Variants in FAM167A observed in about 807,000 individuals in gnomAD.
FAM167A encodes family with sequence similarity 167 member A, also known as protein FAM167A.
In FAM167A, 23 loss-of-function variants were observed where a neutral mutation model predicts 14.9. The ratio of observed to expected loss-of-function variants is 1.55; its 90% CI spans 1.11 to 2.19. FAM167A has a LOEUF of 2.19. Among genes scored for constraint, FAM167A ranks in the 30% most tolerant of loss-of-function variants. FAM167A has a pLI of 0.00. For missense variants in FAM167A, 401 were observed against 281.5 expected (o/e 1.42, Z -3.04); for synonymous variants, 174 against 117.7 (o/e 1.48, Z -3.10).
chr8:11,441,857 A>G (rs1806459309), intron 2 of FAM167A, among the ~76,000 whole-genome samples: 1 of 151,998 alleles, frequency 6.6e-6, no homozygotes, highest in Non-Finnish European at 1.5e-5. Flanking sequence ...GCCTGCTGAC[A>G]TTTTTGTGAT....
At chr8:11,471,121 G>A (rs555737408), upstream of FAM167A, among the ~76,000 whole-genome samples, 1 of 152,330 alleles carries the variant, frequency 6.6e-6, no homozygotes, top group South Asian at 2.1e-4. Flanking sequence ...GGAGTAGGGA[G>A]GTGACAGATT....
chr8:11,426,527 T>C (rs1805170954), intron 2 of FAM167A, among the ~76,000 whole-genome samples: 1 of 152,224 alleles, frequency 6.6e-6, no homozygotes, highest in African/African-American at 2.4e-5. Context: ...AAACCAAAAG[T>C]GTCTGAGACA....
chr8:11,433,165 T>C (rs895922208), intron 2 of FAM167A, among the ~76,000 whole-genome samples: 1 of 151,832 alleles, frequency 6.6e-6, no homozygotes, highest in African/African-American at 2.4e-5. Flanking sequence ...GTAACAAATC[T>C]GCACATTCTG....
chr8:11,436,824 C>T (rs758532520), intron 2 of FAM167A, among the ~76,000 whole-genome samples: 2 of 152,180 alleles, frequency 1.3e-5, no homozygotes, highest in Non-Finnish European at 2.9e-5. Flanking sequence ...AGCTTCACAT[C>T]TGATGCTGAG....
upstream of FAM167A, among the ~76,000 whole-genome samples, chr8:11,467,093 G>A (rs1807803643): frequency 6.6e-6 from 1 of 152,228 alleles, no homozygotes; most frequent in Non-Finnish European, 1.5e-5. Flanking sequence ...GAGGGCGCAG[G>A]GGGACCCCAC....
At chr8:11,432,490 G>C (rs1585237135) in intron 2 of FAM167A, among the ~76,000 whole-genome samples, 1 of 152,208 alleles carries the variant, frequency 6.6e-6, no homozygotes, top group South Asian at 2.1e-4. Context: ...CTGGTCATTA[G>C]AGAAATGCAA....
chr8:11,443,910 T>C, intron 2 of FAM167A, 121 bp downstream of exon 2: 1 of 1,245,344 alleles, frequency 8.0e-7, no homozygotes, highest in Non-Finnish European at 1.1e-6. Context: ...CACTTGGGGG[T>C]TAGAGAGAGG....
intron 2 of FAM167A, among the ~76,000 whole-genome samples, chr8:11,430,677 C>T (rs940820820): frequency 1.8e-4 from 27 of 152,202 alleles, no homozygotes; most frequent in African/African-American, 6.5e-4. Flanking sequence ...GATTAAGTCA[C>T]TAAAGATGGT....
chr8:11,462,696 G>C (rs534021704), intron 1 of FAM167A, among the ~76,000 whole-genome samples: 1 of 152,172 alleles, frequency 6.6e-6, no homozygotes, highest in Admixed American at 6.5e-5. Context: ...GGGCTGTTCT[G>C]TGTGGTTTCA....
At chr8:11,463,827 A>T (rs1459339683) in intron 1 of FAM167A, among the ~76,000 whole-genome samples, 1 of 152,198 alleles carries the variant, frequency 6.6e-6, no homozygotes, top group Non-Finnish European at 1.5e-5. Context: ...GGAGGATCAC[A>T]CTTATGGGCA....
At position 11,444,535 on chromosome 8, in the gene FAM167A, G is replaced by T. The variant is rs3021514; in HGVS notation, c.-124C>A. 149,998 of 1,477,314 alleles carry T rather than the reference G, an allele frequency of 0.1. 8,332 individuals carry two copies. The highest frequency in any genetic ancestry group is 0.11 in the Non-Finnish European group (127,536 of 1,121,632). 91.5% of individuals were successfully genotyped at this position (1,477,314 alleles called of 1,614,324 possible). On this transcript the variant is annotated 5_prime_UTR_variant, in exon 2 of 3. Transcript: ENST00000284486. ...ATCCAGGTGCCCGAGGGCATTTCCG[G>T]GACAGGAGCCGGCCTCAGAGGCTGG...
chr8:11,455,092 C>G (rs1807178928), intron 1 of FAM167A, among the ~76,000 whole-genome samples: 1 of 152,200 alleles, frequency 6.6e-6, no homozygotes, highest in South Asian at 2.1e-4. Context: ...GACCCCGGCC[C>G]CAGTGCTGCA....
At chr8:11,471,811 G>A (rs567981217), upstream of FAM167A, among the ~76,000 whole-genome samples, 121 of 152,198 alleles carry the variant, frequency 8.0e-4, no homozygotes, top group African/African-American at 2.6e-3. Flanking sequence ...GATGGGCCAC[G>A]TTCAGGCCTG....
chr8:11,449,545 G>A (rs1205444389), intron 1 of FAM167A, among the ~76,000 whole-genome samples: 1 of 152,186 alleles, frequency 6.6e-6, no homozygotes. Flanking sequence ...TAGGGGTGGA[G>A]GGGCCGGAGA....
At chr8:11,475,273 T>C (rs899363) in intron 1 of FAM167A, among the ~76,000 whole-genome samples, 6,988 of 152,276 alleles carry the variant, frequency 0.046, 449 homozygotes, top group African/African-American at 0.15. Context: ...GGTTTCCCTA[T>C]GGGCCTCTCT....
rs574660509 is a variant in FAM167A, at chr8:11,444,288, G to A, written c.124C>T (p.Arg42Cys). Reference sequence around the variant, plus strand: ...TGCCATTCCAGGTAGGAGGGCCTGCGGGTCTCCAGCCTCAGTTTCTCGGTG... The same window carrying A: ...TGCCATTCCAGGTAGGAGGGCCTGCAGGTCTCCAGCCTCAGTTTCTCGGTG... ...ALTEKLRLETRRPSYLEWQAR... is the reference protein window; with the variant it reads ...ALTEKLRLETCRPSYLEWQAR... Residue 42 changes from arginine to cysteine, a missense_variant, in exon 2 of 3, where the codon CGC (arginine) becomes TGC (cysteine). Physicochemically the swap from Arg to Cys is radical, Grantham distance 180. Transcript: ENST00000284486. 3.1e-6 allele frequency: 5 copies of A among 1,612,008 alleles called. No homozygotes were observed. The highest frequency in any genetic ancestry group is 1.7e-4 in the Middle Eastern group (1 of 6,024).
chr8:11,447,729 G>A (rs1585263956), intron 1 of FAM167A, among the ~76,000 whole-genome samples: 1 of 152,350 alleles, frequency 6.6e-6, no homozygotes, highest in South Asian at 2.1e-4. Context: ...TCTGGAGAGT[G>A]TGGGCTCTGG....
At chr8:11,450,496 G>T (rs1806979908) in intron 1 of FAM167A, among the ~76,000 whole-genome samples, 1 of 152,160 alleles carries the variant, frequency 6.6e-6, no homozygotes, top group South Asian at 2.1e-4. Context: ...GGTGAAGCTG[G>T]GATTTGAACC....
chr8:11,463,092 T>C (rs1807602649), intron 1 of FAM167A, among the ~76,000 whole-genome samples: 1 of 152,048 alleles, frequency 6.6e-6, no homozygotes, highest in Non-Finnish European at 1.5e-5. Flanking sequence ...TTCAGGTAAA[T>C]ATTTGTCCAA....
Sources: allele counts gnomAD v4.1 joint callset (sites outside exome capture counted in the v4.1 genomes callset), GRCh38; gene constraint gnomAD v4.1.1; transcripts MANE v1.5; gene names NCBI Gene and HGNC (gene_info 2026-07-23, HGNC 2026-07-21).